PDE10A: variants seen among roughly 807,000 people sequenced by gnomAD.
The protein encoded by PDE10A is phosphodiesterase 10A, also known as cAMP and cAMP-inhibited cGMP 3',5'-cyclic phosphodiesterase 10A.
A neutral mutation model predicts 97.7 loss-of-function variants in PDE10A; 39 were observed. The ratio of observed to expected loss-of-function variants is 0.40; its 90% CI spans 0.31 to 0.52. The LOEUF is 0.52. Ranked by LOEUF, PDE10A falls within the 20% of genes least tolerant of loss-of-function variation. PDE10A has a pLI of 0.56. For synonymous variants in PDE10A, 371 were observed against 376.8 expected (o/e 0.98, Z 0.18); for missense variants, 731 against 1,047.8 (o/e 0.70, Z 4.17).
At chr6:165,334,841 T>C (rs1027060097) in intron 21 of PDE10A, among the ~76,000 whole-genome samples, 1 of 152,032 alleles carries the variant, frequency 6.6e-6, no homozygotes, top group African/African-American at 2.4e-5. Context: ...ATTATATATA[T>C]AAAATTTTTA....
chr6:165,435,921 G>A (rs564562494), intron 5 of PDE10A, among the ~76,000 whole-genome samples: 1 of 152,268 alleles, frequency 6.6e-6, no homozygotes, highest in East Asian at 1.9e-4. Flanking sequence ...AAAATTTGCT[G>A]TTCTCTGAGC....
chr6:165,792,473 G>T (rs907230305), intron 1 of PDE10A, among the ~76,000 whole-genome samples: 2 of 152,158 alleles, frequency 1.3e-5, no homozygotes, highest in African/African-American at 2.4e-5. Context: ...TCTTCTCAGG[G>T]CACTTGGTTC....
chr6:165,359,795 A>T (rs577908493), intron 18 of PDE10A, among the ~76,000 whole-genome samples: 32 of 142,382 alleles, frequency 2.2e-4, no homozygotes, highest in Non-Finnish European at 2.9e-4. Flanking sequence ...CATCTGTCAC[A>T]TATCTTTTTT....
chr6:165,935,767 G>C (rs1264173604), intron 1 of PDE10A, among the ~76,000 whole-genome samples: 1 of 152,168 alleles, frequency 6.6e-6, no homozygotes, highest in Admixed American at 6.5e-5. Context: ...TAGTGATTTT[G>C]GAAGTGGGTC....
chr6:165,550,761 A>G (rs1360430116), intron 1 of PDE10A, among the ~76,000 whole-genome samples: 4 of 152,202 alleles, frequency 2.6e-5, no homozygotes, highest in African/African-American at 9.6e-5. Flanking sequence ...TTTAGGAAAC[A>G]AGGCTTCTGT....
chr6:165,777,815 A>T (rs942001309), intron 1 of PDE10A, among the ~76,000 whole-genome samples: 3 of 152,120 alleles, frequency 2.0e-5, no homozygotes, highest in African/African-American at 7.2e-5. Context: ...TCAAGTCCGG[A>T]ATTGGAAGGT....
intron 1 of PDE10A, among the ~76,000 whole-genome samples, chr6:165,690,386 G>A (rs968908122): frequency 6.6e-6 from 1 of 152,062 alleles, no homozygotes; most frequent in African/African-American, 2.4e-5. Context: ...AAATTCTTAC[G>A]GCAAATGTTT....
chr6:165,707,462 A>C (rs1791741909), intron 1 of PDE10A, among the ~76,000 whole-genome samples: 1 of 152,240 alleles, frequency 6.6e-6, no homozygotes. Flanking sequence ...GAGAAACCGC[A>C]GTTTTCATTT....
At chr6:165,937,971 A>T (rs557484778) in intron 1 of PDE10A, among the ~76,000 whole-genome samples, 88 of 152,316 alleles carry the variant, frequency 5.8e-4, no homozygotes, top group Middle Eastern at 3.4e-3. Flanking sequence ...AAAAATCCAG[A>T]TATCAGCACA....
chr6:165,505,246 A>T (rs989060255), intron 2 of PDE10A, among the ~76,000 whole-genome samples: 5 of 152,232 alleles, frequency 3.3e-5, no homozygotes. Flanking sequence ...AAATTATGAA[A>T]CATCTCATGA....
upstream of PDE10A, among the ~76,000 whole-genome samples, chr6:165,665,967 T>C (rs993405535): frequency 1.3e-5 from 2 of 152,210 alleles, no homozygotes; most frequent in African/African-American, 2.4e-5. Flanking sequence ...CATTTATTTA[T>C]AGAGGAAACA....
intron 1 of PDE10A, among the ~76,000 whole-genome samples, chr6:165,886,847 A>G (rs1451420630): frequency 6.6e-6 from 1 of 152,210 alleles, no homozygotes; most frequent in African/African-American, 2.4e-5. Flanking sequence ...AAATCACACT[A>G]AGCATGAGCT....
intron 1 of PDE10A, among the ~76,000 whole-genome samples, chr6:165,621,756 T>TAA (rs200573248): frequency 0.017 from 1,908 of 114,034 alleles, 35 homozygotes; most frequent in African/African-American, 0.066. Flanking sequence ...GACTCTTATC[T>TAA]AAAAAAGAAA....
chr6:165,663,379 G>A (rs1790396191), upstream of PDE10A, among the ~76,000 whole-genome samples: 1 of 152,134 alleles, frequency 6.6e-6, no homozygotes, highest in Non-Finnish European at 1.5e-5. Context: ...CCCGGGGCCG[G>A]GGCGGGCGGA....
At chr6:165,723,981 C>G (rs967926303) in intron 1 of PDE10A, among the ~76,000 whole-genome samples, 141 of 152,208 alleles carry the variant, frequency 9.3e-4, no homozygotes, top group African/African-American at 3.3e-3. Flanking sequence ...GTAAGCGATT[C>G]CACAATCAGG....
In PDE10A at chr6:165,428,310, T is replaced by A. The variant is rs1583265857; in HGVS notation, c.1653+348A>T. Among the ~76,000 whole-genome samples the A allele has an allele frequency of 2.0e-5, 3 of 152,090 alleles. No individual in the cohort carries two copies. In the East Asian group the frequency reaches 5.8e-4, roughly 29 times the overall value. On this transcript the variant is annotated intron_variant, in intron 10 of 21. Coordinates refer to ENST00000539869, the MANE Select transcript of PDE10A (RefSeq NM_001385079.1). Reference sequence around the variant, plus strand: ...TCTAGGAGAGAGGAATAATTAAGACTAGAACTAAGTAGAATGAACTTGAAG... The same window carrying A: ...TCTAGGAGAGAGGAATAATTAAGACAAGAACTAAGTAGAATGAACTTGAAG...
At chr6:165,426,361 G>C (rs1435771070) in intron 10 of PDE10A, among the ~76,000 whole-genome samples, 1 of 152,116 alleles carries the variant, frequency 6.6e-6, no homozygotes, top group Non-Finnish European at 1.5e-5. Flanking sequence ...ACAGCATCCA[G>C]CGTCCAGAAA....
rs568248673 is a variant in PDE10A, at chr6:165,642,649, C to T, written c.865+19298G>A. On this transcript the variant is annotated intron_variant, in intron 1 of 21. Coordinates refer to ENST00000539869, the MANE Select transcript of PDE10A (RefSeq NM_001385079.1). ...CTTGTAAGACAGATCTCAAGTAAAACCATTTGTAGTCCTTATGCCTGTTGG... is the reference window on the plus strand; with the variant it reads ...CTTGTAAGACAGATCTCAAGTAAAATCATTTGTAGTCCTTATGCCTGTTGG... Among the ~76,000 whole-genome samples, 13 of 152,276 alleles carry T rather than the reference C, an allele frequency of 8.5e-5. No individual in the cohort carries two copies. The South Asian group carries it at 2.3e-3, about 27-fold the overall frequency.
intron 1 of PDE10A, among the ~76,000 whole-genome samples, chr6:165,872,334 A>G (rs1198689104): frequency 1.3e-5 from 2 of 151,792 alleles, no homozygotes; most frequent in Non-Finnish European, 2.9e-5. Flanking sequence ...TAGCAAGGAG[A>G]CTCCTCCCTT....
Sources: gnomAD v4.1 joint callset for allele counts (sites outside exome capture counted in the v4.1 genomes callset) on GRCh38, gnomAD v4.1.1 for gene constraint, MANE v1.5 for transcripts, NCBI Gene and HGNC (gene_info 2026-07-23, HGNC 2026-07-21) for gene names.